Variants in SEL1L3 observed in about 807,000 individuals in gnomAD.
The protein encoded by SEL1L3 is SEL1L family member 3, also known as protein sel-1 homolog 3.
SEL1L3 carries 76 observed loss-of-function variants against 142.8 expected under a neutral mutation model. The ratio of observed to expected loss-of-function variants is 0.53; its 90% CI spans 0.44 to 0.64. The LOEUF is 0.64. Ranked by LOEUF, SEL1L3 falls within the 30% of genes least tolerant of loss-of-function variation. The pLI, the probability that SEL1L3 is intolerant of heterozygous loss-of-function variation, is 0.00. For missense variants in SEL1L3, 1,262 were observed against 1,381.7 expected (o/e 0.91, Z 1.37); for synonymous variants, 504 against 519.6 (o/e 0.97, Z 0.41).
rs1435195524 is a variant in SEL1L3 at position 25,854,523 on chromosome 4, C to T, written c.163-6659G>A. On this transcript the variant is annotated intron_variant, in intron 1 of 23. Transcript: ENST00000399878. ...GAACTTCTGACCTCAGGTGATCCAC[C>T]CACCTCGGCCTTCCAAAGTGCTGGG... Among the ~76,000 whole-genome samples, 4 of 152,194 alleles carry T rather than the reference C, an allele frequency of 2.6e-5. No individual in the cohort carries two copies. The East Asian group carries it at 7.7e-4, about 29-fold the overall frequency.
Position 25,783,445 on chromosome 4 carries a change from G to A in SEL1L3, c.2280+783C>T, listed in dbSNP as rs549738582. On this transcript the variant is annotated intron_variant, in intron 14 of 23. Coordinates refer to ENST00000399878, the MANE Select transcript of SEL1L3 (RefSeq NM_015187.5). Reference sequence around the variant, plus strand: ...CATGGTCATTTTAGGAGTCTTCATCGTTAAGGCAAATATTGGCAGCCTTGG... The same window carrying A: ...CATGGTCATTTTAGGAGTCTTCATCATTAAGGCAAATATTGGCAGCCTTGG... Among the ~76,000 whole-genome samples the A allele has an allele frequency of 5.6e-4, 85 of 152,336 alleles. 2 individuals are homozygous for A. The highest frequency in any genetic ancestry group is 2.0e-3 in the Admixed American group (31 of 15,308).
the SEL1L3 span, among the ~76,000 whole-genome samples, chr4:25,722,073 A>C: frequency 6.6e-6 from 1 of 152,210 alleles, no homozygotes; most frequent in Admixed American, 6.5e-5. Context: ...ACAGGAAAAA[A>C]GTAAAACTGA....
In SEL1L3 at chr4:25,862,691, A is replaced by G; in HGVS notation, c.146T>C (p.Leu49Pro). 1 of 1,304,688 alleles carries G rather than the reference A, an allele frequency of 7.7e-7. No individual in the cohort carries two copies. The highest frequency in any genetic ancestry group is 9.8e-7 in the Non-Finnish European group (1 of 1,023,780). The allele number at this position is 1,304,688 out of a possible 1,614,324, so 80.8% of individuals were successfully genotyped here. A position where few individuals can be genotyped will look rare whatever the true frequency, so the allele number is the denominator to read the frequency against. ...GGCGCTCACCAGGTAGCAGAGCAGG[A>G]GCAGCGCGCAGGCAGAGCGGCCGCC... ...GLGGRSACAL[L>P]LLCYLNVVPS... The change falls in exon 1 of 24, where the codon CTC (leucine) becomes CCC (proline). Residue 49 changes from leucine to proline, a missense_variant. Leu to Pro is a moderately conservative substitution (Grantham distance 98, BLOSUM62 -3). Around this residue, in one of 3 missense-constraint regions of SEL1L3, gnomAD observed 689 missense variants for 692.8 expected, o/e 0.99. Coordinates refer to ENST00000399878, the MANE Select transcript of SEL1L3 (RefSeq NM_015187.5).
chr4:25,818,351 T>C (rs764503383), intron 8 of SEL1L3, 73 bp from the exon 9 acceptor site: 15 of 1,301,290 alleles, frequency 1.2e-5, no homozygotes, highest in African/African-American at 1.5e-5. Flanking sequence ...AAAGCCCTTC[T>C]TCCTAACAGG....
At chr4:25,753,020 T>G (rs560122548) in intron 23 of SEL1L3, among the ~76,000 whole-genome samples, 1 of 152,370 alleles carries the variant, frequency 6.6e-6, no homozygotes, top group African/African-American at 2.4e-5. Flanking sequence ...AAGAGGGAAC[T>G]GAGGCACAGA....
chr4:25,742,591 C>A (rs552264821), downstream of SEL1L3, among the ~76,000 whole-genome samples: 1 of 152,172 alleles, frequency 6.6e-6, no homozygotes, highest in African/African-American at 2.4e-5. Flanking sequence ...CCACCGCACC[C>A]GGCCAAGGAG....
At chr4:25,829,936 G>A (rs995183459) in intron 6 of SEL1L3, among the ~76,000 whole-genome samples, 162 bp downstream of exon 6, 1 of 151,140 alleles carries the variant, frequency 6.6e-6, no homozygotes, top group African/African-American at 2.4e-5. Context: ...TGCATGGTAG[G>A]AAAAAAAAAG....
downstream of SEL1L3, among the ~76,000 whole-genome samples, chr4:25,743,065 T>G (rs1339706976): frequency 6.6e-6 from 1 of 152,154 alleles, no homozygotes; most frequent in African/African-American, 2.4e-5. Flanking sequence ...GGAATGGTGG[T>G]GACTGCGGCA....
At chr4:25,811,034 AC>A (rs927846177) in intron 9 of SEL1L3, among the ~76,000 whole-genome samples, 2 of 151,982 alleles carry the variant, frequency 1.3e-5, no homozygotes, top group Non-Finnish European at 2.9e-5. Flanking sequence ...TCCTCTGTAC[AC>A]CCTGGCACTT....
At chr4:25,721,551 T>A in the SEL1L3 span, among the ~76,000 whole-genome samples, 2 of 152,128 alleles carry the variant, frequency 1.3e-5, no homozygotes, top group African/African-American at 2.4e-5. Flanking sequence ...GCTGGGGGTG[T>A]CTCAGAATTG....
intron 2 of SEL1L3, among the ~76,000 whole-genome samples, chr4:25,837,726 C>A (rs1295779288): frequency 2.0e-5 from 3 of 151,904 alleles, no homozygotes; most frequent in Non-Finnish European, 4.4e-5. Flanking sequence ...AATTTTGGAG[C>A]AGGAGAAGAC....
chr4:25,750,867 G>T (rs758417659), intron 23 of SEL1L3, among the ~76,000 whole-genome samples: 1 of 152,194 alleles, frequency 6.6e-6, no homozygotes, highest in African/African-American at 2.4e-5. Flanking sequence ...TAGCTGGAAG[G>T]AATGAGTTGT....
At chr4:25,769,403 G>T (rs1718994074) in intron 17 of SEL1L3, among the ~76,000 whole-genome samples, 1 of 152,182 alleles carries the variant, frequency 6.6e-6, no homozygotes, top group Middle Eastern at 3.2e-3. Context: ...AATTAGCCAT[G>T]ACTCAGGCTA....
At chr4:25,786,002 C>T (rs778705010) in intron 13 of SEL1L3, among the ~76,000 whole-genome samples, 7 of 152,076 alleles carry the variant, frequency 4.6e-5, no homozygotes, top group Non-Finnish European at 8.8e-5. Flanking sequence ...GTACTCTACA[C>T]GAATCTGAGT....
At chr4:25,817,737 G>GA (rs1276814632) in intron 9 of SEL1L3, among the ~76,000 whole-genome samples, 2 of 151,978 alleles carry the variant, frequency 1.3e-5, no homozygotes. Context: ...CCAGATCTTT[G>GA]TTTTTTTCTT....
chr4:25,759,860 C>T (rs1406241549), intron 20 of SEL1L3: 1 of 152,234 alleles, frequency 6.6e-6, no homozygotes, highest in African/African-American at 2.4e-5. Flanking sequence ...ACCATTAGAA[C>T]TTGACCAATT....
chr4:25,797,506 G>A (rs998954953), intron 11 of SEL1L3, among the ~76,000 whole-genome samples: 2 of 152,238 alleles, frequency 1.3e-5, no homozygotes, highest in Non-Finnish European at 2.9e-5. Flanking sequence ...AACATCAGCT[G>A]TAAGGGTGGA....
intron 15 of SEL1L3, 118 bp from the exon 16 acceptor site, chr4:25,779,321 T>C: frequency 8.8e-7 from 1 of 1,142,106 alleles, no homozygotes. Context: ...CTGATAGCTT[T>C]AAAACCAGGG....
intron 6 of SEL1L3, among the ~76,000 whole-genome samples, chr4:25,829,259 C>T (rs1171147626): frequency 1.3e-5 from 2 of 152,252 alleles, no homozygotes; most frequent in African/African-American, 2.4e-5. Context: ...AGGCGTGAGC[C>T]AACACCCCTG....
Sources: gnomAD v4.1 joint callset for allele counts (sites outside exome capture counted in the v4.1 genomes callset) on GRCh38, gnomAD v4.1.1 for gene constraint, gnomAD v4.1.1 regional missense constraint, MANE v1.5 for transcripts, NCBI Gene and HGNC (gene_info 2026-07-23, HGNC 2026-07-21) for gene names.